The following MALT1 variants were observed in gnomAD, a reference collection of about 807,000 sequenced individuals.
MALT1 encodes the protein mucosa-associated lymphoid tissue lymphoma translocation protein 1.
In MALT1, 36 loss-of-function variants were observed where a neutral mutation model predicts 85.5. The ratio of observed to expected loss-of-function variants is 0.42; its 90% confidence interval spans 0.32 to 0.56. The LOEUF is 0.56. Ranked by LOEUF, MALT1 falls within the 20% of genes least tolerant of loss-of-function variation. MALT1 has a pLI of 0.10. For missense variants in MALT1, 716 were observed against 981.6 expected (o/e 0.73, Z 3.62); for synonymous variants, 359 against 361.3 (o/e 0.99, Z 0.07).
chr18:58,709,714 T>A (rs2054805607), intron 5 of MALT1, among the ~76,000 whole-genome samples, 158 bp downstream of exon 5: 1 of 152,232 alleles, frequency 6.6e-6, no homozygotes, highest in Non-Finnish European at 1.5e-5. Context: ...ATTAACTAGC[T>A]CTTATATTTG....
chr18:58,742,819 C>T (rs550289234), intron 14 of MALT1, among the ~76,000 whole-genome samples: 6 of 152,290 alleles, frequency 3.9e-5, no homozygotes, highest in Admixed American at 2.6e-4. Flanking sequence ...TTTGATTATT[C>T]GTATAACTGA....
chr18:58,684,284 G>A (rs576278881), intron 2 of MALT1, among the ~76,000 whole-genome samples: 20 of 152,108 alleles, frequency 1.3e-4, no homozygotes, highest in Admixed American at 2.6e-4. Flanking sequence ...CATGTTAGCC[G>A]TATAATATCC....
At chr18:58,704,052 T>C (rs1008189159) in intron 4 of MALT1, among the ~76,000 whole-genome samples, 4 of 152,348 alleles carry the variant, frequency 2.6e-5, no homozygotes, top group Non-Finnish European at 4.4e-5. Context: ...TTGTATGGAT[T>C]GACTAGTTTG....
At position 58,728,496 on chromosome 18, in the gene MALT1, T is replaced by C. The variant is rs984141111; in HGVS notation, c.1223-4901T>C. ...GGCACATGCCTGTGGTCCCAGCTAC[T>C]TGGGAGGCTAAGGTGGGAGGATAGC... On this transcript the variant is annotated intron_variant, in intron 10 of 16. Transcript: ENST00000649217. Among the ~76,000 whole-genome samples the C allele has an allele frequency of 1.6e-4, 24 of 151,856 alleles. 1 individual carries two copies. The highest frequency in any genetic ancestry group is 1.1e-3 in the Admixed American group (17 of 15,248).
chr18:58,682,676 CT>C (rs1252435008), intron 2 of MALT1, among the ~76,000 whole-genome samples: 1 of 152,202 alleles, frequency 6.6e-6, no homozygotes, highest in East Asian at 1.9e-4. Context: ...TGGGTTGAGT[CT>C]GCTTTCCTGG....
Position 58,671,505 on chromosome 18 carries a change from T to C in MALT1, c.-139T>C. The C allele has an allele frequency of 2.1e-6, 1 of 483,840 alleles. No homozygotes were observed. The highest frequency in any genetic ancestry group is 1.1e-4 in the South Asian group (1 of 9,178). 30.0% of individuals were successfully genotyped at this position (483,840 alleles called of 1,614,324 possible). On this transcript the variant is annotated 5_prime_UTR_variant, in exon 1 of 17. Transcript: ENST00000649217. ...GGGCGGGGAGCGGAGCTTCCTCCTC[T>C]GAGGGCCGTGCCGCGCTGCCAGATT...
chr18:58,724,088 G>A (rs543151277), intron 10 of MALT1, among the ~76,000 whole-genome samples: 1 of 152,168 alleles, frequency 6.6e-6, no homozygotes, highest in African/African-American at 2.4e-5. Flanking sequence ...AAAAAGTACC[G>A]GTTTGGCTCC....
chr18:58,741,318 A>G (rs988118431), intron 13 of MALT1: 1 of 152,098 alleles, frequency 6.6e-6, no homozygotes, highest in Non-Finnish European at 1.5e-5. Context: ...AAAAAATTGT[A>G]TTTATATCTT....
rs758185447 is a variant in MALT1 at position 58,735,264 on chromosome 18, A to G, written c.1538A>G (p.Lys513Arg). 1.2e-6 allele frequency: 2 copies of G among 1,611,404 alleles called. No individual in the cohort carries two copies. The change falls in exon 13 of 17, where the codon AAA becomes AGA. Residue 513 changes from lysine to arginine, a missense_variant. Physicochemically the swap from Lys to Arg is conservative, Grantham distance 26 (BLOSUM62 2). Coordinates refer to ENST00000649217, the MANE Select transcript of MALT1 (RefSeq NM_006785.4). ...GGATTGGCAAATGGAATCTTTATGA[A>G]ATTTTTAAAAGACAGATTATTAGAA... ...HSGLANGIFM[K>R]FLKDRLLEDK... is the part of the protein sequence containing the mutation.
intron 3 of MALT1, among the ~76,000 whole-genome samples, chr18:58,698,040 T>C (rs1415587859): frequency 4.8e-5 from 2 of 41,432 alleles, no homozygotes; most frequent in African/African-American, 1.2e-4. Flanking sequence ...GTGGGGTTTT[T>C]TGTTGTTGTT....
chr18:58,695,101 C>T (rs972389721), intron 2 of MALT1, among the ~76,000 whole-genome samples: 5 of 152,220 alleles, frequency 3.3e-5, no homozygotes, highest in African/African-American at 9.6e-5. Context: ...ACCTTCTTCT[C>T]GTTTGTCTGC....
intron 9 of MALT1, among the ~76,000 whole-genome samples, chr18:58,716,891 A>G (rs528433359): frequency 2.0e-5 from 3 of 152,344 alleles, no homozygotes; most frequent in African/African-American, 7.2e-5. Context: ...AAGAGATGAT[A>G]GGGATTTGGG....
At position 58,695,025 on chromosome 18, in the gene MALT1, T is replaced by C. The variant is rs28414058; in HGVS notation, c.377-1341T>C. On this transcript the variant is annotated intron_variant, in intron 2 of 16. Transcript: ENST00000649217. ...CATGGGGGCAGGTCTTTCTCTGCTG[T>C]TCTTGTGATAGTGAATAAGTCTTAT... 1.4e-4 allele frequency among the ~76,000 whole-genome samples: 21 copies of C among 152,176 alleles called. 1 individual carries two copies. The highest frequency in any genetic ancestry group is 4.8e-4 in the African/African-American group (20 of 41,444).
intron 15 of MALT1, 68 bp from the exon 16 acceptor site, chr18:58,745,598 A>ATG: frequency 7.2e-7 from 1 of 1,392,052 alleles, no homozygotes; most frequent in South Asian, 1.2e-5. Flanking sequence ...AAGATGTCTT[A>ATG]TGTACTAGAT....
Position 58,748,172 on chromosome 18 carries a change from T to C in MALT1, c.*330T>C, listed in dbSNP as rs1370922976. ...AATGGCATTATTGTAGAATAAGTCA[T>C]TGTATTTTTAACACCAGAAAGAACC... On this transcript the variant is annotated 3_prime_UTR_variant, in exon 17 of 17. Transcript: ENST00000649217. The C allele has an allele frequency of 7.1e-6, 2 of 280,502 alleles. No individual in the cohort carries two copies. The highest frequency in any genetic ancestry group is 9.9e-5 in the Admixed American group (2 of 20,210). The allele number at this position is 280,502 out of a possible 1,614,324, so 17.4% of individuals were successfully genotyped here.
At chr18:58,730,881 T>C (rs1330001579) in intron 10 of MALT1, among the ~76,000 whole-genome samples, 1 of 152,254 alleles carries the variant, frequency 6.6e-6, no homozygotes, top group African/African-American at 2.4e-5. Flanking sequence ...CATCTTTTCA[T>C]GTGCATATTT....
intron 10 of MALT1, among the ~76,000 whole-genome samples, chr18:58,726,912 T>C (rs1428089974): frequency 6.6e-6 from 1 of 152,238 alleles, no homozygotes; most frequent in Non-Finnish European, 1.5e-5. Flanking sequence ...GCTCAGTGGT[T>C]AAGCAGTGGG....
intron 9 of MALT1, among the ~76,000 whole-genome samples, chr18:58,722,585 G>A (rs995015008): frequency 8.2e-6 from 1 of 121,446 alleles, no homozygotes; most frequent in Non-Finnish European, 1.7e-5. Context: ...CATTCACTCT[G>A]ATGGGATTCT....
At chr18:58,743,413 A>AAATT (rs1456070289) in intron 14 of MALT1, among the ~76,000 whole-genome samples, 2 of 152,230 alleles carry the variant, frequency 1.3e-5, no homozygotes, top group African/African-American at 4.8e-5. Context: ...TATTTTTAGT[A>AAATT]AATTAACATA....
Sources: allele counts gnomAD v4.1 joint callset (sites outside exome capture counted in the v4.1 genomes callset), GRCh38; gene constraint gnomAD v4.1.1; transcripts MANE v1.5; gene names NCBI Gene and HGNC (gene_info 2026-07-23, HGNC 2026-07-21).